Variants in IL1RAPL1 observed in about 807,000 individuals in gnomAD.
IL1RAPL1 encodes interleukin 1 receptor accessory protein like 1.
Under a neutral mutation model 48.4 loss-of-function variants are expected in IL1RAPL1, and 3 were observed. The ratio of observed to expected loss-of-function variants is 0.06; its 90% confidence interval spans 0.03 to 0.16. IL1RAPL1 has a LOEUF of 0.16. Ranked by LOEUF, IL1RAPL1 falls within the 10% of genes least tolerant of loss-of-function variation. The pLI is 1.00. For synonymous variants in IL1RAPL1, 185 were observed against 187.7 expected (o/e 0.99, Z 0.12); for missense variants, 349 against 530.6 (o/e 0.66, Z 3.36).
At chrX:28,833,722 T>A (rs1466145147) in intron 2 of IL1RAPL1, among the ~76,000 whole-genome samples, 1 of 112,111 alleles carries the variant, frequency 8.9e-6, no homozygotes, top group Non-Finnish European at 1.9e-5. Context: ...TCTATAGATT[T>A]CATGTACAAC....
chrX:29,827,059 A>G (rs1252822566), intron 6 of IL1RAPL1, among the ~76,000 whole-genome samples: 1 of 112,095 alleles, frequency 8.9e-6, no homozygotes, highest in Non-Finnish European at 1.9e-5. Context: ...TCTAGTGGGT[A>G]TGGAATAGCA....
At position 28,685,083 on chromosome X, in the gene IL1RAPL1, A is replaced by T. The variant is rs191702043; in HGVS notation, c.-25+97036A>T. Among the ~76,000 whole-genome samples, 8 of 112,126 alleles carry T rather than the reference A, an allele frequency of 7.1e-5. No homozygotes were observed. The Admixed American group carries it at 7.6e-4, about 11-fold the overall frequency. ...CAATTTAAAATATCAAACTAGTTTA[A>T]CCTTCTACCAATTAAATTATGTACT... On this transcript the variant is annotated intron_variant, in intron 1 of 10. Transcript: ENST00000378993.
intron 2 of IL1RAPL1, among the ~76,000 whole-genome samples, chrX:28,907,181 T>A (rs1453333077): frequency 1.8e-5 from 2 of 112,162 alleles, no homozygotes; most frequent in East Asian, 5.6e-4. Flanking sequence ...TTTACATGAA[T>A]TCATATGATT....
At chrX:29,088,672 C>CAAAAAAAAAAAAA (rs1182451817) in intron 2 of IL1RAPL1, among the ~76,000 whole-genome samples, 13 of 32,864 alleles carry the variant, frequency 4.0e-4, no homozygotes, top group African/African-American at 9.1e-4. Context: ...CACTCCTTCT[C>CAAAAAAAAAAAAA]AAAAAAAAAA....
Position 29,669,737 on chromosome X carries a change from G to A in IL1RAPL1, c.778+1233G>A, listed in dbSNP as rs144513711. Among the ~76,000 whole-genome samples the A allele has an allele frequency of 7.0e-4, 78 of 111,498 alleles. 1 individual carries two copies. In the East Asian group the frequency reaches 0.019, roughly 28 times the overall value. The stretch of plus-strand genomic sequence containing the variant: ...TTGAATTAATGTCATATAAATGCAA[G>A]TAGTATTATAATTGCTGTTATTTTG... On this transcript the variant is annotated intron_variant, in intron 6 of 10. Coordinates refer to ENST00000378993, the MANE Select transcript of IL1RAPL1 (RefSeq NM_014271.4).
chrX:29,132,103 A>T (rs963828463), intron 2 of IL1RAPL1, among the ~76,000 whole-genome samples: 2 of 111,923 alleles, frequency 1.8e-5, no homozygotes, highest in African/African-American at 6.5e-5. Flanking sequence ...GCTTAACTCT[A>T]GGGTGCTGCC....
chrX:28,736,882 A>G (rs897526622), intron 1 of IL1RAPL1, among the ~76,000 whole-genome samples: 4 of 111,529 alleles, frequency 3.6e-5, no homozygotes, highest in Non-Finnish European at 5.6e-5. Context: ...TTATATATGC[A>G]ACAGTAGATT....
At chrX:29,209,219 G>T (rs1930724266) in intron 2 of IL1RAPL1, among the ~76,000 whole-genome samples, 1 of 111,952 alleles carries the variant, frequency 8.9e-6, no homozygotes, top group African/African-American at 3.2e-5. Flanking sequence ...GCATGTGTAT[G>T]TTCTTTTTTC....
intron 2 of IL1RAPL1, among the ~76,000 whole-genome samples, chrX:29,249,929 T>A (rs1219218018): frequency 8.9e-6 from 1 of 112,065 alleles, no homozygotes; most frequent in African/African-American, 3.2e-5. Context: ...AATTCCCAGG[T>A]ATTACACAAT....
At chrX:29,080,990 T>G (rs12008685) in intron 2 of IL1RAPL1, among the ~76,000 whole-genome samples, 2 of 28,174 alleles carry the variant, frequency 7.1e-5, no homozygotes, top group East Asian at 1.5e-3. Flanking sequence ...CTTTCTTTCT[T>G]TCTTTCTCTC....
At chrX:29,592,640 A>G (rs1923413209) in intron 5 of IL1RAPL1, among the ~76,000 whole-genome samples, 1 of 112,269 alleles carries the variant, frequency 8.9e-6, no homozygotes, top group African/African-American at 3.2e-5. Flanking sequence ...CTGCAATGCC[A>G]CATTCTCTTT....
In IL1RAPL1 at chrX:29,955,946, A is replaced by C; in HGVS notation, c.*126A>C. 2 of 564,887 alleles carry C rather than the reference A, an allele frequency of 3.5e-6. No individual in the cohort carries two copies. The highest frequency in any genetic ancestry group is 3.5e-5 in the East Asian group (1 of 28,516). The allele number at this position is 564,887 out of a possible 1,213,427, so 46.6% of individuals were successfully genotyped here. A position where few individuals can be genotyped will look rare whatever the true frequency, so the allele number is the denominator to read the frequency against. On this transcript the variant is annotated 3_prime_UTR_variant, in exon 11 of 11. Coordinates refer to ENST00000378993, the MANE Select transcript of IL1RAPL1 (RefSeq NM_014271.4). ...TAGAATCTCTAGAACACGAGGAAAA[A>C]CAGGGTCTTGTACATATGTTTTTTG...
chrX:29,277,071 A>G (rs905971167), intron 2 of IL1RAPL1, among the ~76,000 whole-genome samples: 14 of 112,489 alleles, frequency 1.2e-4, no homozygotes, highest in African/African-American at 4.2e-4. Flanking sequence ...TAAATAGTCA[A>G]AAGAATGAAA....
chrX:29,586,368 T>C, intron 5 of IL1RAPL1, among the ~76,000 whole-genome samples: 1 of 111,632 alleles, frequency 9.0e-6, no homozygotes, highest in Non-Finnish European at 1.9e-5. Context: ...ATACATGGAT[T>C]TATTTCTGGG....
intron 5 of IL1RAPL1, among the ~76,000 whole-genome samples, chrX:29,631,722 G>A (rs1924781789): frequency 9.0e-6 from 1 of 111,583 alleles, no homozygotes; most frequent in Non-Finnish European, 1.9e-5. Flanking sequence ...CTGAACCCGG[G>A]AGGCGGAGCT....
chrX:29,903,573 A>G (rs1040036265), intron 6 of IL1RAPL1, among the ~76,000 whole-genome samples: 4 of 111,454 alleles, frequency 3.6e-5, no homozygotes, highest in African/African-American at 1.3e-4. Flanking sequence ...AGTGTCCTCT[A>G]GTGGAGAGAG....
At chrX:29,556,485 T>TA (rs778955952) in intron 5 of IL1RAPL1, among the ~76,000 whole-genome samples, 14 of 110,049 alleles carry the variant, frequency 1.3e-4, no homozygotes, top group Non-Finnish European at 2.5e-4. Flanking sequence ...CTGTCTCTAC[T>TA]AAAAATACAA....
intron 2 of IL1RAPL1, among the ~76,000 whole-genome samples, chrX:29,120,124 G>A (rs1280156668): frequency 2.7e-5 from 3 of 111,793 alleles, no homozygotes; most frequent in Non-Finnish European, 3.8e-5. Context: ...CTTTTGCTGT[G>A]CAGAAGCTCT....
At chrX:29,704,327 AT>A (rs777542199) in intron 6 of IL1RAPL1, among the ~76,000 whole-genome samples, 119 of 111,420 alleles carry the variant, frequency 1.1e-3, no homozygotes, top group African/African-American at 3.7e-3. Context: ...GGGATACAAT[AT>A]TGATATTGTC....
Sources: allele counts gnomAD v4.1 joint callset (sites outside exome capture counted in the v4.1 genomes callset), GRCh38; gene constraint gnomAD v4.1.1; transcripts MANE v1.5; gene names NCBI Gene and HGNC (gene_info 2026-07-23, HGNC 2026-07-21).